The following RSRP1 variants were observed in gnomAD, a reference collection of about 807,000 sequenced individuals.
RSRP1 encodes the protein arginine/serine-rich protein 1.
RSRP1 carries 37 observed loss-of-function variants against 33.0 expected under a neutral mutation model. The ratio of observed to expected loss-of-function variants is 1.12; its 90% confidence interval spans 0.86 to 1.48. RSRP1 has a LOEUF of 1.48. Ranked by LOEUF, RSRP1 falls within the 40% of genes most tolerant of loss-of-function variation. The pLI is 0.00. For synonymous variants in RSRP1, 167 were observed against 158.7 expected (o/e 1.05, Z -0.40); for missense variants, 402 against 385.3 (o/e 1.04, Z -0.36).
chr1:25,262,726 T>G (rs1003233213), intron 1 of RSRP1, among the ~76,000 whole-genome samples: 53 of 152,336 alleles, frequency 3.5e-4, no homozygotes, highest in African/African-American at 1.3e-3. Flanking sequence ...CCTGGAGTCC[T>G]GAGACCCAAC....
chr1:25,320,418 G>A (rs571129251), intron 1 of RSRP1, among the ~76,000 whole-genome samples: 1 of 132,224 alleles, frequency 7.6e-6, no homozygotes, highest in South Asian at 2.3e-4. Flanking sequence ...TCAGTGATGA[G>A]TAAGCCTCAG....
intron 1 of RSRP1, among the ~76,000 whole-genome samples, chr1:25,295,627 G>C (rs1477482402): frequency 5.7e-5 from 6 of 106,100 alleles, no homozygotes; most frequent in African/African-American, 1.9e-4. Context: ...GAGACGAGCG[G>C]TCAAGGAGCC....
chr1:25,247,383 A>T lies in RSRP1; in HGVS notation c.-141T>A, dbSNP rs1283623785. On this transcript the variant is annotated 5_prime_UTR_variant, in exon 1 of 5. Coordinates refer to ENST00000243189, the MANE Select transcript of RSRP1 (RefSeq NM_020317.5). The stretch of plus-strand genomic sequence containing the variant: ...GCCTTCCTTTCGGAACGTAAGACGA[A>T]GTGGGGCTTTTAGTCCCTGCTTTCG... 5.6e-6 allele frequency: 1 copy of T among 180,042 alleles called. No individual in the cohort carries two copies. The highest frequency in any genetic ancestry group is 1.2e-5 in the Non-Finnish European group (1 of 86,880). 11.2% of individuals were successfully genotyped at this position (180,042 alleles called of 1,614,324 possible). A position where few individuals can be genotyped will look rare whatever the true frequency, so the allele number is the denominator to read the frequency against.
intron 1 of RSRP1, among the ~76,000 whole-genome samples, chr1:25,280,408 C>A (rs1330709993): frequency 7.9e-6 from 1 of 125,876 alleles, no homozygotes. Flanking sequence ...TGGGTTCAAG[C>A]GATTCTCCTG....
At chr1:25,267,452 C>T (rs1640341873) in intron 1 of RSRP1, among the ~76,000 whole-genome samples, 1 of 127,186 alleles carries the variant, frequency 7.9e-6, no homozygotes, top group South Asian at 2.4e-4. Flanking sequence ...AAGCCAAGTC[C>T]CATAAGTGGG....
At chr1:25,330,585 A>T (rs1295136480) in intron 1 of RSRP1, 2 of 127,624 alleles carry the variant, frequency 1.6e-5, no homozygotes, top group South Asian at 4.7e-4. Flanking sequence ...AATTTTACAG[A>T]TTTTTTTTTT....
chr1:25,276,554 A>C (rs1234681799), intron 1 of RSRP1, among the ~76,000 whole-genome samples: 5 of 89,898 alleles, frequency 5.6e-5, no homozygotes, highest in African/African-American at 1.6e-4. Flanking sequence ...AAAAAAAAAA[A>C]ACTTTAAAAT....
chr1:25,300,712 G>C (rs1643317706), intron 1 of RSRP1, among the ~76,000 whole-genome samples: 1 of 131,770 alleles, frequency 7.6e-6, no homozygotes, highest in Non-Finnish European at 1.8e-5. Flanking sequence ...GGGAAGCTGA[G>C]GCAGGAGAAT....
intron 1 of RSRP1, among the ~76,000 whole-genome samples, chr1:25,288,062 G>C (rs1278377880): frequency 7.5e-6 from 1 of 133,084 alleles, no homozygotes; most frequent in Non-Finnish European, 1.8e-5. Context: ...CTGTTGTCCA[G>C]GCTGGAGTGA....
intron 1 of RSRP1, among the ~76,000 whole-genome samples, chr1:25,275,668 A>C (rs1640904179): frequency 7.5e-6 from 1 of 133,566 alleles, no homozygotes; most frequent in Non-Finnish European, 1.8e-5. Flanking sequence ...ATTGAAAGAG[A>C]TCAAAATGAA....
At chr1:25,248,349 C>CTTTTTTTT (rs36069810), upstream of RSRP1, 2 of 88,102 alleles carry the variant, frequency 2.3e-5, 1 homozygote, top group Non-Finnish European at 5.0e-5. Context: ...GGTTAATTGC[C>CTTTTTTTT]TTTTTTTTTT....
intron 1 of RSRP1, among the ~76,000 whole-genome samples, chr1:25,295,999 AT>A (rs1642924392): frequency 8.5e-6 from 1 of 117,228 alleles, no homozygotes; most frequent in South Asian, 2.6e-4. Flanking sequence ...AGTAGCTGAG[AT>A]TACAGGCACA....
chr1:25,276,413 A>C (rs1262891209), intron 1 of RSRP1, among the ~76,000 whole-genome samples: 1 of 115,222 alleles, frequency 8.7e-6, no homozygotes, highest in Non-Finnish European at 1.9e-5. Flanking sequence ...TGTAATAGTT[A>C]ATTAAAAAAA....
In RSRP1 at chr1:25,275,491, G is replaced by A. The variant is rs1172481578; in HGVS notation, c.-66-28462C>T. Among the ~76,000 whole-genome samples, 8 of 131,238 alleles carry A rather than the reference G, an allele frequency of 6.1e-5. 2 individuals carry two copies. Among genetic ancestry groups the A allele is most frequent in the Admixed American group, 1.5e-4 (2 of 13,408 alleles). The allele number at this position is 131,238 out of a possible 152,430, so 86.1% of individuals were successfully genotyped here. On this transcript the variant is annotated intron_variant, in intron 1 of 1. Coordinates refer to the RSRP1 transcript ENST00000561867. ...GCATGGCTTGAGACACCAGACCAGC[G>A]TGGAGGCTGTAGTGTAGTATTGACC...
intron 1 of RSRP1, among the ~76,000 whole-genome samples, chr1:25,292,655 G>T (rs11488397): frequency 0.03 from 3,853 of 129,398 alleles, 607 homozygotes; most frequent in African/African-American, 0.094. Context: ...GGTTGGGGGA[G>T]GGGGGGTAGA....
At chr1:25,263,324 C>T (rs1384663429) in intron 1 of RSRP1, among the ~76,000 whole-genome samples, 1 of 151,900 alleles carries the variant, frequency 6.6e-6, no homozygotes, top group Non-Finnish European at 1.5e-5. Context: ...TTGTATTAGT[C>T]TGTTCACAAA....
intron 1 of RSRP1, among the ~76,000 whole-genome samples, chr1:25,278,974 A>G (rs585323): frequency 0.04 from 5,147 of 127,916 alleles, 1,274 homozygotes; most frequent in Middle Eastern, 0.087. Context: ...AGAGCCTGGG[A>G]GAGTGAAGCT....
intron 1 of RSRP1, among the ~76,000 whole-genome samples, chr1:25,332,905 T>A (rs1419836601): frequency 7.6e-6 from 1 of 132,150 alleles, no homozygotes; most frequent in East Asian, 1.9e-4. Flanking sequence ...ACAGATTGTC[T>A]GCAAGCTGGA....
At position 25,242,550 on chromosome 1, in the gene RSRP1, T is replaced by G; in HGVS notation, c.*39A>C. ...CTAGAAACACTAACTTGCAATAAAG[T>G]GCAGTTTTCATGCAAACTTAGCCAT... On this transcript the variant is annotated 3_prime_UTR_variant, in exon 5 of 5. Transcript: ENST00000243189. 1 of 1,246,890 alleles carries G rather than the reference T, an allele frequency of 8.0e-7. No individual in the cohort carries two copies. The highest frequency in any genetic ancestry group is 1.5e-5 in the African/African-American group (1 of 66,794). The allele number at this position is 1,246,890 out of a possible 1,614,324, so 77.2% of individuals were successfully genotyped here.
Sources: allele counts gnomAD v4.1 joint callset (sites outside exome capture counted in the v4.1 genomes callset), GRCh38; gene constraint gnomAD v4.1.1; transcripts MANE v1.5; gene names NCBI Gene and HGNC (gene_info 2026-07-23, HGNC 2026-07-21).